The following KCNU1 variants were observed in gnomAD, a reference collection of about 807,000 sequenced individuals.
KCNU1 encodes the protein potassium calcium-activated channel subfamily U member 1, also known as potassium channel subfamily U member 1.
Under a neutral mutation model 126.8 loss-of-function variants are expected in KCNU1, and 93 were observed. That is an observed-to-expected ratio of 0.73 (90% CI 0.62 to 0.87). The LOEUF (loss-of-function observed/expected upper bound fraction) is 0.87. KCNU1 is among the 40% of genes least tolerant of loss of function. KCNU1 has a pLI of 0.00. For missense variants in KCNU1, 1,330 were observed against 1,367.1 expected, an observed-to-expected ratio of 0.97 and a Z score of 0.43; for synonymous variants, 523 against 494.2, an observed-to-expected ratio of 1.06 and a Z score of -0.77.
chr8:36,845,600 C>G lies in KCNU1; in HGVS notation c.1724C>G (p.Pro575Arg). Reference protein sequence around the residue: ...DGFCGLILNPPPQVRIRKNTL... With the variant: ...DGFCGLILNPRPQVRIRKNTL... ...TCCAGTGGTCTGATACTAAATCCAC[C>G]TCCACAAGTGAGGATACGTAAGAAC... is the stretch of plus-strand genomic sequence containing the variant. The change falls in exon 17 of 27, where the codon CCT (proline) becomes CGT (arginine). Residue 575 changes from proline (P) to arginine (R), a missense_variant. Physicochemically the swap from Pro to Arg is moderately radical, Grantham distance 103 (BLOSUM62 -2). Transcript: ENST00000399881. 1 of 1,607,392 alleles carries G rather than the reference C, an allele frequency of 6.2e-7. No homozygotes were observed. The highest frequency in any genetic ancestry group is 1.7e-5 in the Admixed American group (1 of 59,932).
At chr8:36,843,851 T>C (rs1805044012) in intron 16 of KCNU1, among the ~76,000 whole-genome samples, 2 of 152,314 alleles carry the variant, frequency 1.3e-5, no homozygotes, top group South Asian at 4.2e-4. Flanking sequence ...CAGATGAAGC[T>C]GGATCTGACC....
intron 19 of KCNU1, chr8:36,888,810 TGAAACTTTTTATAACAG>T (rs1365099282): frequency 5.8e-6 from 3 of 518,348 alleles, no homozygotes; most frequent in Non-Finnish European, 1.2e-5. Context: ...CCAGAAAGAG[TGAAACTTTTTATAACAG>T]GAATGAAGAA....
chr8:36,845,288 G>A (rs1366194086), intron 16 of KCNU1, among the ~76,000 whole-genome samples: 1 of 152,108 alleles, frequency 6.6e-6, no homozygotes, highest in Non-Finnish European at 1.5e-5. Flanking sequence ...TGAGTTGGTC[G>A]GACCATCTCA....
intron 10 of KCNU1, among the ~76,000 whole-genome samples, chr8:36,821,436 T>C (rs1307440283): frequency 2.0e-5 from 3 of 152,174 alleles, no homozygotes; most frequent in Non-Finnish European, 4.4e-5. Flanking sequence ...CTGTTGGAGT[T>C]GGGGTATTCA....
At chr8:36,922,751 A>G in intron 24 of KCNU1, 122 bp downstream of exon 24, 1 of 1,028,422 alleles carries the variant, frequency 9.7e-7, no homozygotes, top group Non-Finnish European at 1.4e-6. Context: ...ATTTTCAAAA[A>G]CAAGCTTGTT....
intron 4 of KCNU1, among the ~76,000 whole-genome samples, chr8:36,805,926 C>T (rs892110636): frequency 2.6e-5 from 4 of 152,116 alleles, no homozygotes; most frequent in Non-Finnish European, 4.4e-5. Flanking sequence ...TCACTGCAAC[C>T]TCTACCTCCC....
intron 19 of KCNU1, among the ~76,000 whole-genome samples, chr8:36,869,893 G>C (rs1341845309): frequency 6.6e-6 from 1 of 152,074 alleles, no homozygotes. Context: ...TAGTGGAGAG[G>C]TTACAGAGTT....
intron 10 of KCNU1, among the ~76,000 whole-genome samples, chr8:36,822,521 A>G (rs1563277026): frequency 6.6e-6 from 1 of 152,198 alleles, no homozygotes; most frequent in Non-Finnish European, 1.5e-5. Context: ...GTAAGATTCT[A>G]TACAAAAATA....
rs551379636 is a variant in KCNU1 at position 36,887,267 on chromosome 8, C to T, written c.2010-18441C>T. 5.3e-5 allele frequency among the ~76,000 whole-genome samples: 8 copies of T among 152,178 alleles called. No homozygotes were observed. The East Asian group carries it at 7.7e-4, about 15-fold the overall frequency. On this transcript the variant is annotated intron_variant, in intron 19 of 26. Coordinates refer to ENST00000399881, the MANE Select transcript of KCNU1 (RefSeq NM_001031836.3). ...TGTACTAATTTACATTCCCACCAAC[C>T]GTGTAGAAGCATTCCCTTTTTGCCA...
chr8:36,906,942 G>C (rs534683634), intron 20 of KCNU1, among the ~76,000 whole-genome samples: 1 of 152,252 alleles, frequency 6.6e-6, no homozygotes, highest in African/African-American at 2.4e-5. Context: ...GAAAGGTCAG[G>C]AAGTTGGTTG....
chr8:36,816,091 C>A (rs1204448484), intron 9 of KCNU1, among the ~76,000 whole-genome samples: 1 of 139,272 alleles, frequency 7.2e-6, no homozygotes, highest in African/African-American at 2.9e-5. Context: ...AGCCATGATT[C>A]CAATTTAAAA....
At chr8:36,920,614 A>G (rs995431652) in intron 23 of KCNU1, among the ~76,000 whole-genome samples, 6 of 152,166 alleles carry the variant, frequency 3.9e-5, no homozygotes, top group Non-Finnish European at 4.4e-5. Flanking sequence ...CCACTTTGGT[A>G]CAGAATGGAT....
At chr8:36,918,948 T>A in intron 23 of KCNU1, 51 bp downstream of exon 23, 1 of 1,123,178 alleles carries the variant, frequency 8.9e-7, no homozygotes, top group Non-Finnish European at 1.4e-6. Flanking sequence ...TTGTGATATA[T>A]AATTTATGTT....
intron 10 of KCNU1, among the ~76,000 whole-genome samples, chr8:36,822,166 A>G (rs1222995081): frequency 6.6e-6 from 1 of 152,174 alleles, no homozygotes; most frequent in Admixed American, 6.6e-5. Context: ...AAGACTCCTG[A>G]CAGCATCTGC....
intron 2 of KCNU1, among the ~76,000 whole-genome samples, chr8:36,789,090 C>T (rs1802811977): frequency 6.6e-6 from 1 of 152,164 alleles, no homozygotes; most frequent in African/African-American, 2.4e-5. Context: ...GGTGCAGTGG[C>T]TCATGCCTGT....
chr8:36,935,591 A>T lies in KCNU1; in HGVS notation c.3121A>T (p.Thr1041Ser), dbSNP rs748652505. 62 of 1,613,140 alleles carry T rather than the reference A, an allele frequency of 3.8e-5. No homozygotes were observed. The highest frequency in any genetic ancestry group is 5.1e-5 in the Non-Finnish European group (60 of 1,179,396). Residue 1041 changes from threonine to serine, a missense_variant, in exon 27 of 27, where the codon ACT becomes TCT. By Grantham distance (58) the Thr-to-Ser change is moderately conservative. Around this residue, in one of 3 missense-constraint regions of KCNU1, gnomAD observed 1,054 missense variants for 1,053.9 expected, o/e 1.00. Transcript: ENST00000399881. ...DLVFCAIPFS[T>S]ACYKRNEEFS... Reference sequence around the variant, plus strand: ...TGTGTTTTGTGCCATACCCTTCAGCACTGCTTGTTATAAAAGGAATGAAGA... The same window carrying T: ...TGTGTTTTGTGCCATACCCTTCAGCTCTGCTTGTTATAAAAGGAATGAAGA...
intron 7 of KCNU1, among the ~76,000 whole-genome samples, chr8:36,810,250 C>CAA (rs5890885): frequency 6.2e-4 from 86 of 139,488 alleles, no homozygotes; most frequent in African/African-American, 1.3e-3. Context: ...GACTCCATCT[C>CAA]AAAAAAAAAA....
At chr8:36,917,915 C>T (rs1372602929) in intron 22 of KCNU1, among the ~76,000 whole-genome samples, 1 of 152,146 alleles carries the variant, frequency 6.6e-6, no homozygotes, top group Non-Finnish European at 1.5e-5. Flanking sequence ...AGAAACCCCA[C>T]AGCCTTCCAT....
intron 2 of KCNU1, chr8:36,795,357 G>A (rs1030981255): frequency 1.3e-5 from 2 of 152,534 alleles, no homozygotes; most frequent in African/African-American, 4.8e-5. Context: ...AGCTCTAGCA[G>A]TAACCCCCCT....
Sources: gnomAD v4.1 joint callset for allele counts (sites outside exome capture counted in the v4.1 genomes callset) on GRCh38, gnomAD v4.1.1 for gene constraint, gnomAD v4.1.1 regional missense constraint, MANE v1.5 for transcripts, NCBI Gene and HGNC (gene_info 2026-07-23, HGNC 2026-07-21) for gene names.